The following SAMSN1 variants were observed in gnomAD, a reference collection of about 807,000 sequenced individuals.
The protein encoded by SAMSN1 is SAM domain, SH3 domain and nuclear localization signals 1.
Under a neutral mutation model 42.0 loss-of-function variants are expected in SAMSN1, and 31 were observed. The ratio of observed to expected loss-of-function variants is 0.74; its 90% CI spans 0.55 to 1.00. The LOEUF (loss-of-function observed/expected upper bound fraction) is 1.00, where lower values mean the gene tolerates loss of function less well. Ranked by LOEUF, SAMSN1 falls within the 50% of genes least tolerant of loss-of-function variation. The pLI, the probability that SAMSN1 is intolerant of heterozygous loss-of-function variation, is 0.00. For synonymous variants in SAMSN1, 178 were observed against 151.9 expected, an observed-to-expected ratio of 1.17 and a Z score of -1.26; for missense variants, 464 against 439.4, an observed-to-expected ratio of 1.06 and a Z score of -0.50.
At chr21:14,642,922 A>G (rs764747075) in intron 2 of SAMSN1, 95 of 670,442 alleles carry the variant, frequency 1.4e-4, no homozygotes, top group Non-Finnish European at 2.3e-4. Context: ...TTTTTGCTGT[A>G]TTAATAAGTA....
At chr21:14,659,028 A>G (rs1271097597), upstream of SAMSN1, among the ~76,000 whole-genome samples, 6 of 152,096 alleles carry the variant, frequency 3.9e-5, no homozygotes, top group African/African-American at 9.6e-5. Context: ...GTGTAAACAG[A>G]TTTCAAAGGT....
intron 2 of SAMSN1, among the ~76,000 whole-genome samples, chr21:14,619,030 A>C (rs1982933038): frequency 6.6e-6 from 1 of 152,206 alleles, no homozygotes; most frequent in Non-Finnish European, 1.5e-5. Context: ...TGTTATTTTT[A>C]AGGTAAATGA....
At chr21:14,615,723 T>C (rs570836282) in intron 3 of SAMSN1, among the ~76,000 whole-genome samples, 90 of 152,224 alleles carry the variant, frequency 5.9e-4, no homozygotes, top group Non-Finnish European at 1.1e-3. Flanking sequence ...TAGGCCTGGT[T>C]TAGACACATG....
Position 14,543,417 on chromosome 21 carries a change from T to C in SAMSN1, c.57+2788A>G, listed in dbSNP as rs373717569. On this transcript the variant is annotated intron_variant, in intron 1 of 7. Transcript: ENST00000400566. ...TGTATTTGGACTTACTCTTTTTAAA[T>C]TCATGAACATGTTTATCGATAAGTT... Among the ~76,000 whole-genome samples, 624 of 152,284 alleles carry C rather than the reference T, an allele frequency of 4.1e-3. 3 individuals are homozygous for C. Among genetic ancestry groups the C allele is most frequent in the Middle Eastern group, 0.017 (5 of 294 alleles).
chr21:14,564,982 TA>T (rs1238334531), intron 2 of SAMSN1, among the ~76,000 whole-genome samples: 1 of 151,970 alleles, frequency 6.6e-6, no homozygotes, highest in East Asian at 1.9e-4. Flanking sequence ...AGGGAGCTTG[TA>T]AAACCAAGAA....
chr21:14,636,563 C>T (rs1983471667), intron 2 of SAMSN1, among the ~76,000 whole-genome samples: 1 of 152,142 alleles, frequency 6.6e-6, no homozygotes, highest in African/African-American at 2.4e-5. Context: ...ATATAACTGG[C>T]CAGGCATGGT....
At chr21:14,532,244 C>A (rs183592124) in intron 1 of SAMSN1, among the ~76,000 whole-genome samples, 5 of 152,222 alleles carry the variant, frequency 3.3e-5, no homozygotes, top group Non-Finnish European at 5.9e-5. Flanking sequence ...TTTATGCCAC[C>A]TGAGGTTGAG....
chr21:14,485,595 T>C lies in SAMSN1; in HGVS notation c.*317A>G. The C allele has an allele frequency of 5.4e-6, 1 of 183,898 alleles. No homozygotes were observed. The highest frequency in any genetic ancestry group is 1.3e-4 in the South Asian group (1 of 7,936). The allele number at this position is 183,898 out of a possible 1,614,324, so 11.4% of individuals were successfully genotyped here. A position where few individuals can be genotyped will look rare whatever the true frequency, so the allele number is the denominator to read the frequency against. On this transcript the variant is annotated 3_prime_UTR_variant, in exon 8 of 8. Transcript: ENST00000400566. ...AGGTATGAAAAAAGGTTACTTTGTT[T>C]TTTGCAGATACTGTACTTGTAAAAT... is the stretch of plus-strand genomic sequence containing the variant.
chr21:14,487,365 C>T (rs946830575), intron 7 of SAMSN1, among the ~76,000 whole-genome samples: 9 of 112,052 alleles, frequency 8.0e-5, no homozygotes, highest in Non-Finnish European at 1.4e-4. Context: ...ATATATCTAT[C>T]TTCTTTAAAA....
chr21:14,542,942 ACT>A (rs1980138528), intron 1 of SAMSN1, among the ~76,000 whole-genome samples: 1 of 152,108 alleles, frequency 6.6e-6, no homozygotes, highest in African/African-American at 2.4e-5. Flanking sequence ...ACAGAGCAAG[ACT>A]CTGTTTCCAA....
intron 1 of SAMSN1, among the ~76,000 whole-genome samples, chr21:14,544,477 G>A (rs1281206353): frequency 1.3e-5 from 2 of 152,060 alleles, no homozygotes; most frequent in Non-Finnish European, 2.9e-5. Context: ...ATGTTAAAAG[G>A]AAACAATCCA....
At chr21:14,644,961 A>G (rs1983684225) in intron 1 of SAMSN1, among the ~76,000 whole-genome samples, 1 of 152,176 alleles carries the variant, frequency 6.6e-6, no homozygotes, top group African/African-American at 2.4e-5. Flanking sequence ...AAGAGTGGGA[A>G]GGCTGGTGTG....
At chr21:14,587,762 T>A (rs1568821141), upstream of SAMSN1, among the ~76,000 whole-genome samples, 1 of 151,870 alleles carries the variant, frequency 6.6e-6, no homozygotes, top group Admixed American at 6.6e-5. Context: ...TTTATTTATT[T>A]ATTTTTTAAA....
chr21:14,485,693 A>G lies in SAMSN1; in HGVS notation c.*219T>C. The G allele has an allele frequency of 2.5e-6, 1 of 406,382 alleles. No homozygotes were observed. The highest frequency in any genetic ancestry group is 4.1e-5 in the South Asian group (1 of 24,182). The allele number at this position is 406,382 out of a possible 1,614,324, so 25.2% of individuals were successfully genotyped here. On this transcript the variant is annotated 3_prime_UTR_variant, in exon 8 of 8. Transcript: ENST00000400566. The stretch of plus-strand genomic sequence containing the variant: ...CCTTTCTAATACAAGCAAGTGAAAT[A>G]TTAACACATAGCATTTAAAATAATA...
intron 1 of SAMSN1, among the ~76,000 whole-genome samples, chr21:14,525,350 A>G (rs1978774460): frequency 6.6e-6 from 1 of 152,266 alleles, no homozygotes; most frequent in Admixed American, 6.5e-5. Context: ...AGAGCATGTT[A>G]AATGTTACCA....
At chr21:14,526,082 G>A (rs1322218959) in intron 1 of SAMSN1, among the ~76,000 whole-genome samples, 1 of 152,158 alleles carries the variant, frequency 6.6e-6, no homozygotes, top group Non-Finnish European at 1.5e-5. Flanking sequence ...TAGCCAGGCT[G>A]ATGTTGAACT....
At chr21:14,495,869 G>T (rs1235712958) in intron 7 of SAMSN1, 1 of 152,112 alleles carries the variant, frequency 6.6e-6, no homozygotes, top group Non-Finnish European at 1.5e-5. Flanking sequence ...TGCAATGGAA[G>T]AATTTTGCAT....
chr21:14,651,690 A>G (rs1983839922), intron 1 of SAMSN1, among the ~76,000 whole-genome samples: 1 of 152,066 alleles, frequency 6.6e-6, no homozygotes, highest in African/African-American at 2.4e-5. Flanking sequence ...AAATTAGACA[A>G]GGAAAGATAT....
chr21:14,586,412 A>G (rs926471375), upstream of SAMSN1, among the ~76,000 whole-genome samples: 1 of 152,132 alleles, frequency 6.6e-6, no homozygotes, highest in South Asian at 2.1e-4. Flanking sequence ...TACCTTTTAA[A>G]TTTTAAATGT....
Sources: allele counts gnomAD v4.1 joint callset (sites outside exome capture counted in the v4.1 genomes callset), GRCh38; gene constraint gnomAD v4.1.1; transcripts MANE v1.5; gene names NCBI Gene and HGNC (gene_info 2026-07-23, HGNC 2026-07-21).